Variants in PUM3 observed in about 807,000 individuals in gnomAD.
PUM3 encodes pumilio homolog 3.
PUM3 carries 91 observed loss-of-function variants against 84.0 expected under a neutral mutation model. The observed-to-expected ratio is 1.08, with a 90% confidence interval of 0.91 to 1.29. PUM3 has a LOEUF of 1.29. Among genes scored for constraint, PUM3 ranks in the 50% most tolerant of loss-of-function variants. The pLI is 0.00. For missense variants in PUM3, 1,067 were observed against 767.5 expected, an observed-to-expected ratio of 1.39 and a Z score of -4.61; for synonymous variants, 321 against 266.7, an observed-to-expected ratio of 1.20 and a Z score of -1.98.
chr9:2,829,688 A>T, intron 8 of PUM3, 86 bp downstream of exon 8: 2 of 1,125,298 alleles, frequency 1.8e-6, no homozygotes, highest in Non-Finnish European at 2.5e-6. Flanking sequence ...GTAAAAATAC[A>T]TTCAAAAGAT....
chr9:2,807,698 C>G, intron 17 of PUM3, 116 bp downstream of exon 17: 1 of 574,066 alleles, frequency 1.7e-6, no homozygotes, highest in Non-Finnish European at 3.1e-6. Flanking sequence ...CCATGAGTGA[C>G]TGGGAGTAAT....
At chr9:2,827,255 G>A in intron 9 of PUM3, 104 bp from the exon 10 acceptor site, 2 of 706,260 alleles carry the variant, frequency 2.8e-6, no homozygotes, top group Admixed American at 3.5e-5. Flanking sequence ...CAAGTGAAAT[G>A]GTTTTACTGA....
intron 17 of PUM3, among the ~76,000 whole-genome samples, chr9:2,807,037 T>A: frequency 1.3e-5 from 2 of 151,200 alleles, no homozygotes; most frequent in East Asian, 3.9e-4. Context: ...TGAAACCAGG[T>A]CTCTACTAAA....
chr9:2,834,274 T>G (rs1466815662), intron 3 of PUM3, 108 bp from the exon 4 acceptor site: 1 of 946,362 alleles, frequency 1.1e-6, no homozygotes, highest in Non-Finnish European at 1.5e-6. Context: ...ATGCTCATTC[T>G]GGAAGCTAAA....
intron 13 of PUM3, among the ~76,000 whole-genome samples, chr9:2,818,794 G>T (rs963968811): frequency 3.3e-5 from 5 of 152,114 alleles, no homozygotes; most frequent in Non-Finnish European, 7.4e-5. Context: ...ATGACAGCAA[G>T]GGCATGAGAA....
chr9:2,812,290 GGCTTAGT>G lies in PUM3; in HGVS notation c.1335_1341del (p.Leu445PhefsTer37), dbSNP rs915396863. 8 of 1,608,960 alleles carry G rather than the reference GGCTTAGT, an allele frequency of 5.0e-6. No homozygotes were observed. The African/African-American group carries it at 9.4e-5, about 19-fold the overall frequency. ...CGTACTGTATGTGCAGGATCTCTGGGGCTTAGTAAGTACAATAGGACCTTCCTTCCAT... is the reference window on the plus strand; with the variant it reads ...CGTACTGTATGTGCAGGATCTCTGGGAAGTACAATAGGACCTTCCTTCCAT... On this transcript the variant is annotated frameshift_variant, in exon 14 of 18. Coordinates refer to ENST00000397885, the MANE Select transcript of PUM3 (RefSeq NM_014878.5). LOFTEE classifies it high-confidence loss of function.
chr9:2,831,345 C>G lies in PUM3; in HGVS notation c.517-1G>C. 3.1e-6 allele frequency: 5 copies of G among 1,596,866 alleles called. No homozygotes were observed. Among genetic ancestry groups the G allele is most frequent in the Non-Finnish European group, 4.3e-6 (5 of 1,169,476 alleles). On this transcript the variant is annotated splice_acceptor_variant, in intron 5 of 17. Coordinates refer to ENST00000397885, the MANE Select transcript of PUM3 (RefSeq NM_014878.5). LOFTEE classifies it high-confidence loss of function. The stretch of plus-strand genomic sequence containing the variant: ...GAGTTGAATCGTGTGCAAATGCAAT[C>G]TGCAGGAAAAAGTTTGAGTTAGACT...
chr9:2,833,042 G>C (rs999898910), intron 5 of PUM3, among the ~76,000 whole-genome samples: 15 of 152,130 alleles, frequency 9.9e-5, no homozygotes, highest in Non-Finnish European at 1.3e-4. Flanking sequence ...AAATTATATG[G>C]AGTTTAGAAC....
chr9:2,804,612 G>A (rs1278007972), intron 17 of PUM3, 149 bp from the exon 18 acceptor site: 1 of 743,688 alleles, frequency 1.3e-6, no homozygotes, highest in East Asian at 2.8e-5. Context: ...TGAATGATGA[G>A]ACCAGTAGCC....
At chr9:2,819,890 A>C (rs957979710) in intron 13 of PUM3, 128 bp downstream of exon 13, 4 of 528,410 alleles carry the variant, frequency 7.6e-6, no homozygotes, top group Non-Finnish European at 1.4e-5. Flanking sequence ...AATTAACTTA[A>C]AAGTAAGCAA....
rs145474491 is a variant in PUM3 at position 2,841,015 on chromosome 9, T to C, written c.-10-2498A>G. Among the ~76,000 whole-genome samples the C allele has an allele frequency of 5.1e-4, 78 of 152,334 alleles. No homozygotes were observed. The East Asian group carries it at 0.014, about 27-fold the overall frequency. ...ATACCTATATTTATTTTTATATCTA[T>C]TACAATAACTTGAAGCTCATACTGA... is the stretch of plus-strand genomic sequence containing the variant. On this transcript the variant is annotated intron_variant, in intron 1 of 17. Coordinates refer to ENST00000397885, the MANE Select transcript of PUM3 (RefSeq NM_014878.5).
Position 2,824,732 on chromosome 9 carries a change from C to A in PUM3, c.1119G>T (p.Trp373Cys), listed in dbSNP as rs781632154. The change falls in exon 11 of 18, where the codon TGG (tryptophan) becomes TGT (cysteine). Residue 373 changes from tryptophan to cysteine, a missense_variant. Physicochemically the swap from Trp to Cys is radical, Grantham distance 215 (BLOSUM62 -2). Coordinates refer to ENST00000397885, the MANE Select transcript of PUM3 (RefSeq NM_014878.5). ...DGARVAMHCL[W>C]HGTPKDRKVI... The stretch of plus-strand genomic sequence containing the variant: ...TCACACTTACCTTGGGCGTGCCATG[C>A]CACAGGCAGTGCATGGCCACTCTGG... 4 of 1,558,700 alleles carry A rather than the reference C, an allele frequency of 2.6e-6. No individual in the cohort carries two copies. In the African/African-American group the frequency reaches 5.4e-5, roughly 21 times the overall value.
In PUM3 at chr9:2,811,543, A is replaced by G. The variant is rs1038685311; in HGVS notation, c.1453T>C (p.Ser485Pro). The change falls in exon 15 of 18, where the codon TCC becomes CCC. Residue 485 changes from serine to proline, a missense_variant. By Grantham distance (74) the Ser-to-Pro change is moderately conservative. Coordinates refer to ENST00000397885, the MANE Select transcript of PUM3 (RefSeq NM_014878.5). ...TEVRRRELLE[S>P]ISPALLSYLQ... ...TAGCTTAACAAAGCTGGAGAAATGG[A>G]TTCTAGGAGCTCCCGTCTGCGGACC... 1.2e-6 allele frequency: 2 copies of G among 1,614,110 alleles called. No homozygotes were observed. Among genetic ancestry groups the G allele is most frequent in the Admixed American group, 1.7e-5 (1 of 60,030 alleles).
chr9:2,827,184 A>G (rs1317436981), intron 9 of PUM3, 33 bp from the exon 10 acceptor site: 2 of 1,498,144 alleles, frequency 1.3e-6, no homozygotes, highest in Non-Finnish European at 1.8e-6. Context: ...AAAAGACACA[A>G]CAGATCTGGC....
At chr9:2,809,999 C>A (rs986420707) in intron 16 of PUM3, among the ~76,000 whole-genome samples, 1 of 151,894 alleles carries the variant, frequency 6.6e-6, no homozygotes, top group Non-Finnish European at 1.5e-5. Context: ...GGGCCCCCTA[C>A]CCCCTCTCAC....
intron 1 of PUM3, among the ~76,000 whole-genome samples, chr9:2,842,392 T>C (rs1816288397): frequency 6.6e-6 from 1 of 152,122 alleles, no homozygotes; most frequent in Non-Finnish European, 1.5e-5. Context: ...AGGAAAAAGT[T>C]CCAACTCAGG....
chr9:2,814,193 G>C lies in PUM3; in HGVS notation c.1270-1831C>G, dbSNP rs980383808. 4.6e-5 allele frequency among the ~76,000 whole-genome samples: 7 copies of C among 152,314 alleles called. No individual in the cohort carries two copies. The East Asian group carries it at 1.2e-3, about 25-fold the overall frequency. On this transcript the variant is annotated intron_variant, in intron 13 of 17. Coordinates refer to ENST00000397885, the MANE Select transcript of PUM3 (RefSeq NM_014878.5). Reference sequence around the variant, plus strand: ...CAGGGAACTCTCTCAAGGAAAACAAGCTCCAAAGTGAACTCCAACTATTTT... The same window carrying C: ...CAGGGAACTCTCTCAAGGAAAACAACCTCCAAAGTGAACTCCAACTATTTT...
At chr9:2,821,773 C>T (rs868495091) in intron 12 of PUM3, among the ~76,000 whole-genome samples, 6 of 152,074 alleles carry the variant, frequency 3.9e-5, no homozygotes, top group Non-Finnish European at 8.8e-5. Context: ...ATCTTGCAGA[C>T]GTGTTTCCAT....
At chr9:2,811,678 CT>C (rs1435967868) in intron 14 of PUM3, 95 bp from the exon 15 acceptor site, 2 of 757,504 alleles carry the variant, frequency 2.6e-6, no homozygotes, top group African/African-American at 1.7e-5. Flanking sequence ...TTATCACAGA[CT>C]GTATCGCACT....
Sources: gnomAD v4.1 joint callset for allele counts (sites outside exome capture counted in the v4.1 genomes callset) on GRCh38, gnomAD v4.1.1 for gene constraint, MANE v1.5 for transcripts, NCBI Gene and HGNC (gene_info 2026-07-23, HGNC 2026-07-21) for gene names.